SLCO5A1: variants seen among roughly 807,000 people sequenced by gnomAD.
The protein encoded by SLCO5A1 is solute carrier organic anion transporter family member 5A1.
SLCO5A1 carries 39 observed loss-of-function variants against 65.1 expected under a neutral mutation model. The observed-to-expected ratio is 0.60, with a 90% CI of 0.46 to 0.78. The LOEUF (loss-of-function observed/expected upper bound fraction) is 0.78, where lower values mean the gene tolerates loss of function less well. Ranked by LOEUF, SLCO5A1 falls within the 30% of genes least tolerant of loss-of-function variation. The pLI, the probability that SLCO5A1 is intolerant of heterozygous loss-of-function variation, is 0.00. For missense variants in SLCO5A1, 1,029 were observed against 1,069.4 expected, an observed-to-expected ratio of 0.96 and a Z score of 0.53; for synonymous variants, 438 against 415.7, an observed-to-expected ratio of 1.05 and a Z score of -0.65.
intron 2 of SLCO5A1, among the ~76,000 whole-genome samples, chr8:69,799,903 C>G (rs2130901778): frequency 6.6e-6 from 1 of 152,314 alleles, no homozygotes; most frequent in East Asian, 1.9e-4. Flanking sequence ...CAAACCATAT[C>G]AAAGGTTGAT....
In SLCO5A1 at chr8:69,673,199, A is replaced by G; in HGVS notation, c.2217T>C (p.Phe739=). 1 of 1,614,236 alleles carries G rather than the reference A, an allele frequency of 6.2e-7. No homozygotes were observed. Among genetic ancestry groups the G allele is most frequent in the Non-Finnish European group, 8.5e-7 (1 of 1,180,036 alleles). The change falls in exon 10 of 10, where the codon TTT becomes TTC. Residue 739 remains phenylalanine (F), a synonymous_variant. Coordinates refer to ENST00000260126, the MANE Select transcript of SLCO5A1 (RefSeq NM_030958.3). ...CGAATTTGAGGCCGGCAGCCAAACCAAAATACACAAAACGAAACGACGTCA... is the reference window on the plus strand; with the variant it reads ...CGAATTTGAGGCCGGCAGCCAAACCGAAATACACAAAACGAAACGACGTCA... ...YNVTSFRFVY[F]GLAAGLKFVG... is the part of the protein sequence containing the mutation.
At position 69,830,914 on chromosome 8, in the gene SLCO5A1, G is replaced by A. The variant is rs1821124338; in HGVS notation, c.907+853C>T. On this transcript the variant is annotated intron_variant, in intron 2 of 9. Coordinates refer to ENST00000260126, the MANE Select transcript of SLCO5A1 (RefSeq NM_030958.3). ...CTTTGGATAAACCTTATAACCTGTG[G>A]TGTTGCTTCTTCATAAAGGTAAGCC... Among the ~76,000 whole-genome samples the A allele has an allele frequency of 2.0e-5, 3 of 152,188 alleles. No homozygotes were observed. In the South Asian group the frequency reaches 6.2e-4, roughly 31 times the overall value.
At chr8:69,683,915 T>A (rs2130791256) in intron 6 of SLCO5A1, among the ~76,000 whole-genome samples, 1 of 152,294 alleles carries the variant, frequency 6.6e-6, no homozygotes, top group East Asian at 1.9e-4. Flanking sequence ...GCATAGCCCA[T>A]CCCAATCATG....
Position 69,832,706 on chromosome 8 carries a change from C to A in SLCO5A1, c.-33G>T. 6.4e-7 allele frequency: 1 copy of A among 1,561,838 alleles called. No individual in the cohort carries two copies. The highest frequency in any genetic ancestry group is 1.2e-5 in the South Asian group (1 of 84,864). On this transcript the variant is annotated 5_prime_UTR_variant, in exon 2 of 10. Transcript: ENST00000260126. The surrounding 1 kb of genome is among the most constrained non-coding windows in gnomAD (Gnocchi z 4.5). ...AGAATTCAGATTTGATAGCTGATGGCACCCAAGCACTCCGGCACGTTTCAT... is the reference window on the plus strand; with the variant it reads ...AGAATTCAGATTTGATAGCTGATGGAACCCAAGCACTCCGGCACGTTTCAT...
At chr8:69,696,894 A>G (rs74731324) in intron 6 of SLCO5A1, among the ~76,000 whole-genome samples, 14,011 of 152,226 alleles carry the variant, frequency 0.092, 722 homozygotes, top group African/African-American at 0.14. Context: ...GCAAAGAAAA[A>G]AATCCTCAAA....
intron 2 of SLCO5A1, among the ~76,000 whole-genome samples, chr8:69,766,567 C>A (rs1405036957): frequency 6.6e-6 from 1 of 152,034 alleles, no homozygotes; most frequent in East Asian, 1.9e-4. Context: ...TGCTCTTCTG[C>A]CACATGGCCA....
chr8:69,768,983 C>T (rs1355220602), intron 2 of SLCO5A1, among the ~76,000 whole-genome samples: 4 of 152,216 alleles, frequency 2.6e-5, no homozygotes, highest in Non-Finnish European at 5.9e-5. Flanking sequence ...CCACCCCGTT[C>T]ACTCAGTCGG....
chr8:69,815,494 A>T (rs1276041826), intron 2 of SLCO5A1, among the ~76,000 whole-genome samples: 1 of 152,076 alleles, frequency 6.6e-6, no homozygotes, highest in East Asian at 1.9e-4. Context: ...ACTCCTCATT[A>T]AATCTATCCT....
At chr8:69,745,181 G>A (rs1001644610) in intron 4 of SLCO5A1, among the ~76,000 whole-genome samples, 1 of 151,956 alleles carries the variant, frequency 6.6e-6, no homozygotes, top group Admixed American at 6.6e-5. Context: ...ATCATAATTA[G>A]GAATACTAAT....
chr8:69,832,270 C>T lies in SLCO5A1; in HGVS notation c.404G>A (p.Cys135Tyr), dbSNP rs1821189675. 1.9e-6 allele frequency: 3 copies of T among 1,614,218 alleles called. No individual in the cohort carries two copies. Among genetic ancestry groups the T allele is most frequent in the Non-Finnish European group, 2.5e-6 (3 of 1,180,038 alleles). Residue 135 changes from cysteine (C) to tyrosine (Y), a missense_variant, in exon 2 of 10, where the codon TGC (cysteine) becomes TAC (tyrosine). Transcript: ENST00000260126. The surrounding 1 kb of genome is among the most constrained non-coding windows in gnomAD (Gnocchi z 4.5). ...TDSRCFLVCM[C>Y]FLTFIQALMV... Reference sequence around the variant, plus strand: ...TAACGCCTGGATGAAGGTCAGAAAGCACATGCACACCAGGAAGCAACGGGA... The same window carrying T: ...TAACGCCTGGATGAAGGTCAGAAAGTACATGCACACCAGGAAGCAACGGGA...
In SLCO5A1 at chr8:69,707,582, A is replaced by T. The variant is rs149031049; in HGVS notation, c.1424-2353T>A. Among the ~76,000 whole-genome samples, 214 of 152,334 alleles carry T rather than the reference A, an allele frequency of 1.4e-3. 2 individuals carry two copies. The highest frequency in any genetic ancestry group is 5.0e-3 in the African/African-American group (206 of 41,584). On this transcript the variant is annotated intron_variant, in intron 5 of 9. Coordinates refer to ENST00000260126, the MANE Select transcript of SLCO5A1 (RefSeq NM_030958.3). ...AGGAGCTCAGGTTGTATTTCTGATA[A>T]TGGAGGGCGCTGAAGAATTCTGAGC...
chr8:69,711,381 C>T (rs1049592937), intron 5 of SLCO5A1, among the ~76,000 whole-genome samples: 1 of 152,168 alleles, frequency 6.6e-6, no homozygotes, highest in African/African-American at 2.4e-5. Flanking sequence ...CTCGGAGGGA[C>T]CCCCGAGTTC....
chr8:69,722,851 C>T (rs1815888845), intron 5 of SLCO5A1, among the ~76,000 whole-genome samples: 1 of 150,876 alleles, frequency 6.6e-6, no homozygotes, highest in Non-Finnish European at 1.5e-5. Context: ...TGAATATATA[C>T]ATACATATGT....
At chr8:69,814,786 T>A (rs1820336912) in intron 2 of SLCO5A1, among the ~76,000 whole-genome samples, 1 of 152,056 alleles carries the variant, frequency 6.6e-6, no homozygotes, top group Non-Finnish European at 1.5e-5. Flanking sequence ...TGTCCATCAA[T>A]AAATGAATGG....
At chr8:69,768,753 C>A (rs1374251397) in intron 2 of SLCO5A1, among the ~76,000 whole-genome samples, 2 of 152,126 alleles carry the variant, frequency 1.3e-5, no homozygotes, top group Admixed American at 6.5e-5. Context: ...CCTAAGGGCT[C>A]CCTCTCCACA....
intron 2 of SLCO5A1, among the ~76,000 whole-genome samples, chr8:69,765,827 TTCCAACTC>T (rs1302392712): frequency 6.6e-6 from 1 of 152,084 alleles, no homozygotes; most frequent in Non-Finnish European, 1.5e-5. Context: ...GCCTGGGCCT[TTCCAACTC>T]TCTGGATCCT....
chr8:69,710,534 C>T (rs1032694449), intron 5 of SLCO5A1, among the ~76,000 whole-genome samples: 3 of 151,918 alleles, frequency 2.0e-5, no homozygotes, highest in South Asian at 2.1e-4. Context: ...AATAAAGTAC[C>T]CTCCTCACCA....
At chr8:69,803,906 C>T (rs1408063550) in intron 2 of SLCO5A1, among the ~76,000 whole-genome samples, 3 of 152,090 alleles carry the variant, frequency 2.0e-5, no homozygotes, top group African/African-American at 7.2e-5. Flanking sequence ...CATGCCACAG[C>T]ACTGCAGCCT....
At chr8:69,781,586 T>A (rs1168356080) in intron 2 of SLCO5A1, among the ~76,000 whole-genome samples, 1 of 152,244 alleles carries the variant, frequency 6.6e-6, no homozygotes, top group Admixed American at 6.5e-5. Flanking sequence ...TGTATTTTCT[T>A]ATTTAATCTT....
Sources: gnomAD v4.1 joint callset for allele counts (sites outside exome capture counted in the v4.1 genomes callset) on GRCh38, gnomAD v4.1.1 for gene constraint, Gnocchi (gnomAD v3.1) non-coding constraint, MANE v1.5 for transcripts, NCBI Gene and HGNC (gene_info 2026-07-23, HGNC 2026-07-21) for gene names.